The following JAZF1 variants were observed in gnomAD, a reference collection of about 807,000 sequenced individuals.
The protein encoded by JAZF1 is JAZF zinc finger 1.
In JAZF1, 8 loss-of-function variants were observed where a neutral mutation model predicts 26.4. The ratio of observed to expected loss-of-function variants is 0.30; its 90% CI spans 0.18 to 0.55. JAZF1 has a LOEUF of 0.55. Ranked by LOEUF, JAZF1 falls within the 20% of genes least tolerant of loss-of-function variation. The probability of loss-of-function intolerance (pLI) is 0.94; values close to 1 mark genes in which losing one functional copy is unlikely to be tolerated. For missense variants in JAZF1, 199 were observed against 322.0 expected, an observed-to-expected ratio of 0.62 and a Z score of 2.92; for synonymous variants, 126 against 122.3, an observed-to-expected ratio of 1.03 and a Z score of -0.20.
At chr7:27,852,177 G>C (rs929965402) in intron 3 of JAZF1, among the ~76,000 whole-genome samples, 4 of 151,202 alleles carry the variant, frequency 2.6e-5, no homozygotes, top group Admixed American at 6.6e-5. Context: ...TGTCGCCCAG[G>C]CTGGAGTGCA....
intron 1 of JAZF1, 53 bp downstream of exon 1, chr7:28,180,410 C>T: frequency 6.9e-7 from 1 of 1,451,566 alleles, no homozygotes; most frequent in Non-Finnish European, 9.6e-7. Context: ...GCTCCCCGCC[C>T]GGGCAGGAGT....
chr7:28,015,149 C>CA (rs989394664), intron 1 of JAZF1, among the ~76,000 whole-genome samples: 12 of 151,994 alleles, frequency 7.9e-5, no homozygotes, highest in African/African-American at 2.9e-4. Context: ...GAGCTACTGA[C>CA]AGAGCTTCAG....
At chr7:28,168,064 C>A (rs1783395192) in intron 1 of JAZF1, among the ~76,000 whole-genome samples, 1 of 152,092 alleles carries the variant, frequency 6.6e-6, no homozygotes, top group Non-Finnish European at 1.5e-5. Flanking sequence ...TTTTTAAACC[C>A]ATCTGTATTA....
chr7:27,874,522 T>C (rs1783640846), intron 3 of JAZF1, among the ~76,000 whole-genome samples: 1 of 152,074 alleles, frequency 6.6e-6, no homozygotes, highest in South Asian at 2.1e-4. Context: ...AATCTGTCGA[T>C]TTATGAGAAT....
chr7:27,856,597 AT>A (rs1273147259), intron 3 of JAZF1, among the ~76,000 whole-genome samples: 2 of 152,158 alleles, frequency 1.3e-5, no homozygotes, highest in African/African-American at 4.8e-5. Flanking sequence ...CAGGGTGCTG[AT>A]TGGTGCGTTT....
intron 4 of JAZF1, among the ~76,000 whole-genome samples, chr7:27,836,900 A>G (rs1782823401): frequency 6.6e-6 from 1 of 152,234 alleles, no homozygotes; most frequent in African/African-American, 2.4e-5. Flanking sequence ...AAAAAAGAAC[A>G]GACACTATCA....
chr7:27,877,648 G>A (rs530984385), intron 3 of JAZF1, among the ~76,000 whole-genome samples: 2 of 152,282 alleles, frequency 1.3e-5, no homozygotes, highest in African/African-American at 2.4e-5. Context: ...CTGTGCTCCC[G>A]AGTCTCATAT....
chr7:28,048,115 A>G (rs906347096), intron 1 of JAZF1, among the ~76,000 whole-genome samples: 1 of 152,162 alleles, frequency 6.6e-6, no homozygotes, highest in Non-Finnish European at 1.5e-5. Flanking sequence ...GACAGACAGA[A>G]GAAAGACCAA....
intron 2 of JAZF1, among the ~76,000 whole-genome samples, chr7:27,985,302 C>T (rs1039946670): frequency 3.3e-5 from 5 of 152,124 alleles, no homozygotes; most frequent in African/African-American, 1.2e-4. Context: ...ATACAAACTA[C>T]CATCAGAGAA....
chr7:27,945,589 T>C (rs1010359650), intron 2 of JAZF1, among the ~76,000 whole-genome samples: 1 of 151,532 alleles, frequency 6.6e-6, no homozygotes, highest in African/African-American at 2.5e-5. Context: ...AAGCAACACA[T>C]ATCAAGGGTT....
intron 1 of JAZF1, among the ~76,000 whole-genome samples, chr7:28,084,814 C>T (rs1784188853): frequency 6.6e-6 from 1 of 152,166 alleles, no homozygotes; most frequent in Admixed American, 6.5e-5. Context: ...GAATGTTTAT[C>T]CTCTCCAAAG....
At chr7:28,088,453 A>G (rs1784242614) in intron 1 of JAZF1, among the ~76,000 whole-genome samples, 1 of 152,168 alleles carries the variant, frequency 6.6e-6, no homozygotes, top group Non-Finnish European at 1.5e-5. Flanking sequence ...GTTGCAGGTA[A>G]TTAGATCTAA....
chr7:28,052,175 A>T (rs1024674780), intron 1 of JAZF1, among the ~76,000 whole-genome samples: 26 of 152,216 alleles, frequency 1.7e-4, no homozygotes, highest in African/African-American at 6.0e-4. Flanking sequence ...ACACATTGTA[A>T]ATAACCTGGG....
chr7:27,903,514 A>G (rs915764750), intron 2 of JAZF1, among the ~76,000 whole-genome samples: 1 of 152,192 alleles, frequency 6.6e-6, no homozygotes, highest in African/African-American at 2.4e-5. Flanking sequence ...ATTAAATTGC[A>G]ATGGTATCTA....
intron 1 of JAZF1, among the ~76,000 whole-genome samples, chr7:28,095,386 C>T (rs1784367522): frequency 6.6e-6 from 1 of 152,062 alleles, no homozygotes; most frequent in Non-Finnish European, 1.5e-5. Context: ...AAAACATGAT[C>T]TTCACAAGCA....
chr7:27,962,179 A>G (rs1299697417), intron 2 of JAZF1, among the ~76,000 whole-genome samples: 3 of 152,214 alleles, frequency 2.0e-5, no homozygotes, highest in Non-Finnish European at 4.4e-5. Context: ...AATTTATTGA[A>G]TATTTACCAA....
intron 2 of JAZF1, among the ~76,000 whole-genome samples, chr7:27,968,148 A>C (rs1174575288): frequency 6.6e-6 from 1 of 152,268 alleles, no homozygotes; most frequent in Non-Finnish European, 1.5e-5. Context: ...AGTAATATGG[A>C]AGAAACTCAA....
intron 1 of JAZF1, among the ~76,000 whole-genome samples, chr7:28,061,313 G>A (rs1220216266): frequency 3.3e-5 from 5 of 152,176 alleles, no homozygotes; most frequent in African/African-American, 9.7e-5. Context: ...GTATGATCAC[G>A]TTATAAAATC....
Position 27,840,527 on chromosome 7 carries a change from T to C in JAZF1, c.555+171A>G, listed in dbSNP as rs1782902817. Among the ~76,000 whole-genome samples, 1 of 152,188 alleles carries C rather than the reference T, an allele frequency of 6.6e-6. No homozygotes were observed. The highest frequency in any genetic ancestry group is 1.5e-5 in the Non-Finnish European group (1 of 68,026). The stretch of plus-strand genomic sequence containing the variant: ...CAGCGGTGGCGGGTGAGCACTTCCT[T>C]GAGGGCACCTGTGTGCACACAGGGG... On this transcript the variant is annotated intron_variant, in intron 4 of 4. Coordinates refer to ENST00000283928, the MANE Select transcript of JAZF1 (RefSeq NM_175061.4). This position sits in a 1 kb window ranked among gnomAD's most constrained non-coding sequence, Gnocchi z 5.1.
Sources: allele counts gnomAD v4.1 joint callset (sites outside exome capture counted in the v4.1 genomes callset), GRCh38; gene constraint gnomAD v4.1.1; non-coding constraint Gnocchi (gnomAD v3.1); transcripts MANE v1.5; gene names NCBI Gene and HGNC (gene_info 2026-07-23, HGNC 2026-07-21).